TRHDE: variants seen among roughly 807,000 people sequenced by gnomAD.
The protein encoded by TRHDE is thyrotropin-releasing hormone-degrading ectoenzyme.
Under a neutral mutation model 125.7 loss-of-function variants are expected in TRHDE, and 72 were observed. The observed-to-expected ratio is 0.57, with a 90% CI of 0.47 to 0.70. The LOEUF (loss-of-function observed/expected upper bound fraction) is 0.70, where lower values mean the gene tolerates loss of function less well. Ranked by LOEUF, TRHDE falls within the 30% of genes least tolerant of loss-of-function variation. TRHDE has a pLI of 0.00. For missense variants in TRHDE, 1,110 were observed against 1,327.1 expected, an observed-to-expected ratio of 0.84 and a Z score of 2.54; for synonymous variants, 509 against 509.1, an observed-to-expected ratio of 1.00 and a Z score of 0.00.
intron 15 of TRHDE, among the ~76,000 whole-genome samples, chr12:72,649,200 C>T (rs1419224014): frequency 1.3e-5 from 2 of 151,738 alleles, no homozygotes; most frequent in Non-Finnish European, 2.9e-5. Context: ...AACATATACA[C>T]CAATTAAACA....
chr12:72,151,321 A>C (rs1196302057), intron 2 of TRHDE, among the ~76,000 whole-genome samples: 1 of 152,120 alleles, frequency 6.6e-6, no homozygotes, highest in African/African-American at 2.4e-5. Flanking sequence ...GTAGATTGCA[A>C]AAATTTTCTC....
intron 7 of TRHDE, chr12:72,560,406 A>T (rs78759990): frequency 1.3e-5 from 2 of 152,334 alleles, no homozygotes; most frequent in South Asian, 2.1e-4. Context: ...AGAAAATTGT[A>T]TATTGGATTT....
chr12:72,135,425 G>A (rs1566238566), intron 2 of TRHDE, among the ~76,000 whole-genome samples: 1 of 152,174 alleles, frequency 6.6e-6, no homozygotes, highest in Non-Finnish European at 1.5e-5. Flanking sequence ...GAAGAAGCCT[G>A]CCTTAGGTCT....
At chr12:72,616,943 C>A (rs1168131435) in intron 12 of TRHDE, among the ~76,000 whole-genome samples, 4 of 151,968 alleles carry the variant, frequency 2.6e-5, no homozygotes, top group African/African-American at 9.7e-5. Flanking sequence ...ATCCATATTT[C>A]TTTTAAGGAC....
chr12:72,339,695 A>T lies in TRHDE; in HGVS notation c.1189-38300A>T, dbSNP rs1347794882. Among the ~76,000 whole-genome samples the T allele has an allele frequency of 2.0e-5, 3 of 152,178 alleles. No individual in the cohort carries two copies. In the East Asian group the frequency reaches 5.8e-4, roughly 29 times the overall value. Reference sequence around the variant, plus strand: ...AATGTGTTCATTCAAAACAAAATCAAATCATGGTTTTATTATGTTAGGCAT... The same window carrying T: ...AATGTGTTCATTCAAAACAAAATCATATCATGGTTTTATTATGTTAGGCAT... On this transcript the variant is annotated intron_variant, in intron 2 of 18. Coordinates refer to ENST00000261180, the MANE Select transcript of TRHDE (RefSeq NM_013381.3).
chr12:72,093,257 T>A (rs1193275596), intron 1 of TRHDE, among the ~76,000 whole-genome samples: 1 of 152,198 alleles, frequency 6.6e-6, no homozygotes, highest in African/African-American at 2.4e-5. Context: ...AATTTCCTTT[T>A]TGTCCTTGAC....
intron 2 of TRHDE, among the ~76,000 whole-genome samples, chr12:72,334,566 C>T (rs1592551650): frequency 6.6e-6 from 1 of 152,322 alleles, no homozygotes; most frequent in Non-Finnish European, 1.5e-5. Context: ...GCTGTCTGAT[C>T]TGCAACCAGG....
chr12:72,627,748 T>C (rs1055033517), intron 15 of TRHDE, among the ~76,000 whole-genome samples: 6 of 151,752 alleles, frequency 4.0e-5, no homozygotes, highest in Non-Finnish European at 1.5e-5. Flanking sequence ...GGCACTGTCA[T>C]AAGTTACTTC....
chr12:72,268,213 A>G (rs184388546), upstream of TRHDE, among the ~76,000 whole-genome samples: 8 of 152,230 alleles, frequency 5.3e-5, no homozygotes, highest in East Asian at 1.5e-3. Context: ...TATCCCTCTC[A>G]TACGATACAT....
rs1272840952 is a variant in TRHDE, at chr12:72,277,565, GA to G, written c.914+4009del. Among the ~76,000 whole-genome samples the G allele has an allele frequency of 4.6e-5, 7 of 152,072 alleles. 1 individual carries two copies. Among genetic ancestry groups the G allele is most frequent in the Admixed American group, 4.6e-4 (7 of 15,276 alleles). ...AACTTTTTTCTGTGATTCCTTAATGGACTTAGCTCATTGTTTTTGTGTCAGG... is the reference window on the plus strand; with the variant it reads ...AACTTTTTTCTGTGATTCCTTAATGGCTTAGCTCATTGTTTTTGTGTCAGG... On this transcript the variant is annotated intron_variant, in intron 1 of 18. Coordinates refer to ENST00000261180, the MANE Select transcript of TRHDE (RefSeq NM_013381.3).
chr12:72,610,029 C>T (rs989131102), intron 12 of TRHDE, among the ~76,000 whole-genome samples: 1 of 152,080 alleles, frequency 6.6e-6, no homozygotes, highest in Non-Finnish European at 1.5e-5. Flanking sequence ...ATTTTTTATT[C>T]ATTTCAGGCA....
intron 2 of TRHDE, among the ~76,000 whole-genome samples, chr12:72,267,005 A>G (rs1252344206): frequency 6.6e-6 from 1 of 152,090 alleles, no homozygotes; most frequent in Non-Finnish European, 1.5e-5. Context: ...TATTTTCATT[A>G]ATTCTTCCTG....
chr12:72,298,183 G>C (rs540180482), intron 2 of TRHDE, among the ~76,000 whole-genome samples: 1 of 152,314 alleles, frequency 6.6e-6, no homozygotes, highest in South Asian at 2.1e-4. Context: ...CTAAAAAACA[G>C]AACAGTTTGG....
At chr12:72,649,334 G>T (rs1032151760) in intron 15 of TRHDE, among the ~76,000 whole-genome samples, 2 of 150,840 alleles carry the variant, frequency 1.3e-5, no homozygotes, top group African/African-American at 2.4e-5. Flanking sequence ...GGGAAAACTG[G>T]ATGTCCACAT....
At chr12:72,177,514 A>C (rs1368921178) in intron 2 of TRHDE, among the ~76,000 whole-genome samples, 1 of 152,160 alleles carries the variant, frequency 6.6e-6, no homozygotes, top group South Asian at 2.1e-4. Flanking sequence ...TATGACCAGT[A>C]AGAACAAAAT....
chr12:72,483,912 TA>T (rs1181221254), intron 5 of TRHDE, among the ~76,000 whole-genome samples: 2 of 152,024 alleles, frequency 1.3e-5, no homozygotes, highest in Non-Finnish European at 2.9e-5. Context: ...GATCAATTAA[TA>T]AAAATTAATA....
intron 6 of TRHDE, among the ~76,000 whole-genome samples, chr12:72,533,711 T>C (rs1486290762): frequency 2.0e-5 from 3 of 147,582 alleles, no homozygotes; most frequent in Non-Finnish European, 4.4e-5. Flanking sequence ...ACCATTTCTT[T>C]GTTTTCTATT....
intron 15 of TRHDE, among the ~76,000 whole-genome samples, chr12:72,637,767 T>C (rs1873831378): frequency 1.3e-5 from 2 of 152,204 alleles, no homozygotes; most frequent in African/African-American, 4.8e-5. Context: ...ATGTACCCAG[T>C]AGTCATTCAG....
chr12:72,573,459 A>G (rs968296513), intron 10 of TRHDE, among the ~76,000 whole-genome samples: 1 of 151,946 alleles, frequency 6.6e-6, no homozygotes, highest in Non-Finnish European at 1.5e-5. Context: ...TGGATTAAGT[A>G]TAGTATATAA....
Sources: gnomAD v4.1 joint callset for allele counts (sites outside exome capture counted in the v4.1 genomes callset) on GRCh38, gnomAD v4.1.1 for gene constraint, MANE v1.5 for transcripts, NCBI Gene and HGNC (gene_info 2026-07-23, HGNC 2026-07-21) for gene names.